RNF19A: variants seen among roughly 807,000 people sequenced by gnomAD.
RNF19A encodes the protein ring finger protein 19A, RBR E3 ubiquitin protein ligase.
In RNF19A, 32 loss-of-function variants were observed where a neutral mutation model predicts 75.7. That is an observed-to-expected ratio of 0.42 (90% confidence interval 0.32 to 0.57). RNF19A has a LOEUF of 0.57. Ranked by LOEUF, RNF19A falls within the 20% of genes least tolerant of loss-of-function variation. RNF19A has a pLI of 0.10. For missense variants in RNF19A, 782 were observed against 1,036.3 expected, an observed-to-expected ratio of 0.75 and a Z score of 3.37; for synonymous variants, 335 against 345.2, an observed-to-expected ratio of 0.97 and a Z score of 0.33.
chr8:100,307,596 A>G (rs1007746396), intron 1 of RNF19A, among the ~76,000 whole-genome samples: 1 of 152,008 alleles, frequency 6.6e-6, no homozygotes, highest in African/African-American at 2.4e-5. Context: ...TCCATAATAT[A>G]CAAGTGATTA....
Position 100,287,590 on chromosome 8 carries a change from A to T in RNF19A, c.585T>A (p.Asp195Glu). 1 of 1,614,162 alleles carries T rather than the reference A, an allele frequency of 6.2e-7. No individual in the cohort carries two copies. ...ATTCTTCGTATTTTTCCATCAAGAC[A>T]TCATCACTTAATATCAAGCGAATAT... ...PHDIRLILSD[D>E]VLMEKYEEFM... is the part of the protein sequence containing the mutation. Residue 195 changes from aspartate to glutamate, a missense_variant, in exon 2 of 10, where the codon GAT becomes GAA. Around this residue, in one of 7 missense-constraint regions of RNF19A, gnomAD observed 85 missense variants for 177.7 expected, o/e 0.48. Transcript: ENST00000341084. The surrounding 1 kb of genome is among the most constrained non-coding windows in gnomAD (Gnocchi z 4.1).
At chr8:100,289,377 A>G (rs922839187) in intron 1 of RNF19A, among the ~76,000 whole-genome samples, 1 of 152,258 alleles carries the variant, frequency 6.6e-6, no homozygotes, top group Non-Finnish European at 1.5e-5. Flanking sequence ...AATAAAATCA[A>G]CAGACAGTAT....
chr8:100,310,672 T>C (rs1317548509), upstream of RNF19A, among the ~76,000 whole-genome samples: 1 of 152,196 alleles, frequency 6.6e-6, no homozygotes, highest in African/African-American at 2.4e-5. Flanking sequence ...CACCTGTCTT[T>C]GCAGAGGCTG....
In RNF19A at chr8:100,333,064, T is replaced by C. The variant is rs1822630786; in HGVS notation, c.-243+3044A>G. 6.7e-6 allele frequency among the ~76,000 whole-genome samples: 1 copy of C among 150,206 alleles called. No individual in the cohort carries two copies. Among genetic ancestry groups the C allele is most frequent in the African/African-American group, 2.5e-5 (1 of 40,322 alleles). ...CTAACTCTTAAAATTTGTTCCTTCT[T>C]ACCATTTCTAGTATGGAAAAAAAAA... On this transcript the variant is annotated intron_variant, in intron 1 of 3. Transcript: ENST00000519527. This position sits in a 1 kb window ranked among gnomAD's most constrained non-coding sequence, Gnocchi z 4.7.
At position 100,333,313 on chromosome 8, in the gene RNF19A, C is replaced by G. The variant is rs973148924; in HGVS notation, c.-243+2795G>C. Reference sequence around the variant, plus strand: ...ATACACTTCTATTGTTTAACAATTACCCAGTCTGAGGTATTATATTATAGC... The same window carrying G: ...ATACACTTCTATTGTTTAACAATTAGCCAGTCTGAGGTATTATATTATAGC... On this transcript the variant is annotated intron_variant, in intron 1 of 3. Transcript: ENST00000519527. The surrounding 1 kb of genome is among the most constrained non-coding windows in gnomAD (Gnocchi z 4.7). Among the ~76,000 whole-genome samples, 1 of 152,200 alleles carries G rather than the reference C, an allele frequency of 6.6e-6. No individual in the cohort carries two copies. Among genetic ancestry groups the G allele is most frequent in the African/African-American group, 2.4e-5 (1 of 41,448 alleles).
rs903029099 is a variant in RNF19A, at chr8:100,322,722, T to C, written c.-242-9350A>G. On this transcript the variant is annotated intron_variant, in intron 1 of 3. Coordinates refer to the RNF19A transcript ENST00000519527. The surrounding 1 kb of genome is among the most constrained non-coding windows in gnomAD (Gnocchi z 5.1). ...GAGGCATGCAACTCTTCCTTTCACC[T>C]GAACACTTAGATGTCATTGTAGGGT... 2.0e-5 allele frequency among the ~76,000 whole-genome samples: 3 copies of C among 152,220 alleles called. No individual in the cohort carries two copies. Among genetic ancestry groups the C allele is most frequent in the Admixed American group, 6.5e-5 (1 of 15,282 alleles).
intron 1 of RNF19A, among the ~76,000 whole-genome samples, chr8:100,294,849 A>G (rs1007487597): frequency 3.3e-5 from 5 of 152,180 alleles, no homozygotes; most frequent in South Asian, 2.1e-4. Flanking sequence ...TTTTAAAACG[A>G]TCCTTTAAAA....
intron 1 of RNF19A, among the ~76,000 whole-genome samples, chr8:100,297,556 G>A (rs182396367): frequency 6.6e-6 from 1 of 152,202 alleles, no homozygotes; most frequent in Admixed American, 6.5e-5. Context: ...CCCTTTCAAG[G>A]ACTGACCTCT....
In RNF19A at chr8:100,259,473, G is replaced by A. The variant is rs913436073; in HGVS notation, c.1827-227C>T. 8.5e-5 allele frequency among the ~76,000 whole-genome samples: 13 copies of A among 152,126 alleles called. No homozygotes were observed. Among genetic ancestry groups the A allele is most frequent in the African/African-American group, 2.7e-4 (11 of 41,420 alleles). On this transcript the variant is annotated intron_variant, in intron 9 of 9. Coordinates refer to ENST00000341084, the MANE Select transcript of RNF19A (RefSeq NM_183419.4). This position sits in a 1 kb window ranked among gnomAD's most constrained non-coding sequence, Gnocchi z 4.5. ...CACATTTATTGCTTATGCTGTTCTA[G>A]ACACTATGCTACCTTTTTTTAAAGA...
rs186543477 is a variant in RNF19A at position 100,287,417 on chromosome 8, A to G, written c.674+84T>C. ...GTTGAATGAATTCTCCAGCATGTAAAAATTTTTCTTTTGAGTAATAGCAAA... is the reference window on the plus strand; with the variant it reads ...GTTGAATGAATTCTCCAGCATGTAAGAATTTTTCTTTTGAGTAATAGCAAA... On this transcript the variant is annotated intron_variant, in intron 2 of 9. Coordinates refer to ENST00000341084, the MANE Select transcript of RNF19A (RefSeq NM_183419.4). The surrounding 1 kb of genome is among the most constrained non-coding windows in gnomAD (Gnocchi z 4.1). 5.6e-5 allele frequency: 74 copies of G among 1,322,346 alleles called. No individual in the cohort carries two copies. In the African/African-American group the frequency reaches 9.3e-4, roughly 17 times the overall value. The allele number at this position is 1,322,346 out of a possible 1,614,324, so 81.9% of individuals were successfully genotyped here. A position where few individuals can be genotyped will look rare whatever the true frequency, so the allele number is the denominator to read the frequency against.
At chr8:100,273,094 TG>T (rs1450000726) in intron 3 of RNF19A, among the ~76,000 whole-genome samples, 2 of 152,190 alleles carry the variant, frequency 1.3e-5, no homozygotes, top group African/African-American at 2.4e-5. Flanking sequence ...CTCGAACTCC[TG>T]GGCTCAAGCG....
intron 1 of RNF19A, among the ~76,000 whole-genome samples, chr8:100,297,365 A>C (rs1821615812): frequency 6.6e-6 from 1 of 152,192 alleles, no homozygotes. Flanking sequence ...TTCAGAAAGG[A>C]CCTCTCTGTA....
At chr8:100,268,467 C>T (rs982592165) in intron 5 of RNF19A, 5 of 191,078 alleles carry the variant, frequency 2.6e-5, no homozygotes, top group Admixed American at 1.8e-4. Flanking sequence ...ATAGACCTGA[C>T]CTTACAAGGA....
intron 2 of RNF19A, among the ~76,000 whole-genome samples, chr8:100,278,055 A>G (rs1820608383): frequency 6.6e-6 from 1 of 152,250 alleles, no homozygotes. Context: ...TTCTACTTCC[A>G]CCACTTAATA....
Position 100,322,145 on chromosome 8 carries a change from G to A in RNF19A, c.-242-8773C>T, listed in dbSNP as rs911184066. The stretch of plus-strand genomic sequence containing the variant: ...TCAGCCTCTCCTTTGAAGCTTTGAA[G>A]CCAAGCATTGACTTCTCCTCTCTAT... On this transcript the variant is annotated intron_variant, in intron 1 of 3. Transcript: ENST00000519527. The surrounding 1 kb of genome is among the most constrained non-coding windows in gnomAD (Gnocchi z 5.1). Among the ~76,000 whole-genome samples, 8 of 152,186 alleles carry A rather than the reference G, an allele frequency of 5.3e-5. No individual in the cohort carries two copies. The highest frequency in any genetic ancestry group is 1.9e-4 in the African/African-American group (8 of 41,440).
In RNF19A at chr8:100,323,464, C is replaced by A. The variant is rs16898229; in HGVS notation, c.-242-10092G>T. Among the ~76,000 whole-genome samples the A allele has an allele frequency of 6.6e-6, 1 of 152,168 alleles. No homozygotes were observed. The highest frequency in any genetic ancestry group is 1.5e-5 in the Non-Finnish European group (1 of 68,026). On this transcript the variant is annotated intron_variant, in intron 1 of 3. Transcript: ENST00000519527. The surrounding 1 kb of genome is among the most constrained non-coding windows in gnomAD (Gnocchi z 4.6). ...ACAGCCTGTTTTTGCAGGATGACCA[C>A]GTTTCACCCTTCTTTTCTGCCATCC...
chr8:100,265,590 A>G (rs917479887), intron 5 of RNF19A, among the ~76,000 whole-genome samples: 3 of 152,214 alleles, frequency 2.0e-5, no homozygotes, highest in Non-Finnish European at 4.4e-5. Flanking sequence ...AACAAATTCA[A>G]AACAGCCTCA....
upstream of RNF19A, chr8:100,309,996 G>A (rs1302360962): frequency 1.1e-5 from 11 of 985,522 alleles, no homozygotes; most frequent in Non-Finnish European, 9.6e-6. Context: ...TCTCAACCGG[G>A]GCGGAGACGA....
intron 2 of RNF19A, among the ~76,000 whole-genome samples, chr8:100,280,419 A>T (rs1457473742): frequency 1.3e-5 from 2 of 152,170 alleles, no homozygotes; most frequent in African/African-American, 4.8e-5. Flanking sequence ...GGGGGTAGAG[A>T]GAAAAGGAGA....
Sources: gnomAD v4.1 joint callset for allele counts (sites outside exome capture counted in the v4.1 genomes callset) on GRCh38, gnomAD v4.1.1 for gene constraint, gnomAD v4.1.1 regional missense constraint, Gnocchi (gnomAD v3.1) non-coding constraint, MANE v1.5 for transcripts, NCBI Gene and HGNC (gene_info 2026-07-23, HGNC 2026-07-21) for gene names.